The following MAPK6 variants were observed in gnomAD, a reference collection of about 807,000 sequenced individuals.
The protein encoded by MAPK6 is ERK-3.
A neutral mutation model predicts 59.3 loss-of-function variants in MAPK6; 19 were observed. That is an observed-to-expected ratio of 0.32 (90% CI 0.22 to 0.47). MAPK6 has a LOEUF of 0.47. MAPK6 is among the 20% of genes least tolerant of loss of function. MAPK6 has a pLI of 1.00. For synonymous variants in MAPK6, 316 were observed against 290.3 expected, an observed-to-expected ratio of 1.09 and a Z score of -0.90; for missense variants, 724 against 847.9, an observed-to-expected ratio of 0.85 and a Z score of 1.81.
intron 2 of MAPK6, among the ~76,000 whole-genome samples, chr15:51,998,981 C>T (rs1469332017): frequency 6.7e-6 from 1 of 148,246 alleles, no homozygotes; most frequent in East Asian, 2.0e-4. Flanking sequence ...GGAGCCACCG[C>T]GCCCGGCCTT....
chr15:52,013,288 TGAAGA>T (rs1270805277), intron 3 of MAPK6, among the ~76,000 whole-genome samples: 1 of 151,826 alleles, frequency 6.6e-6, no homozygotes, highest in Non-Finnish European at 1.5e-5. Flanking sequence ...ATGACTCACT[TGAAGA>T]GAAGTCATGA....
At chr15:52,014,069 ATT>A (rs763328315) in intron 3 of MAPK6, among the ~76,000 whole-genome samples, 2,066 of 140,766 alleles carry the variant, frequency 0.015, 58 homozygotes, top group African/African-American at 0.052. Context: ...TTCATCTGGG[ATT>A]TTTTTTTTTT....
At chr15:52,004,266 A>T (rs867610768) in exon 3 of MAPK6, 1 of 152,310 alleles carries the variant, frequency 6.6e-6, no homozygotes, top group South Asian at 2.1e-4. Flanking sequence ...TTTCCCTAGG[A>T]ATGCTTTGCC....
intron 2 of MAPK6, among the ~76,000 whole-genome samples, chr15:51,986,556 C>T (rs1044204915): frequency 1.3e-5 from 2 of 152,156 alleles, no homozygotes; most frequent in African/African-American, 4.8e-5. Flanking sequence ...TTATGTAATG[C>T]TTTTGTAATC....
chr15:52,035,478 G>C (rs1240950988), intron 1 of MAPK6: 1 of 152,180 alleles, frequency 6.6e-6, no homozygotes, highest in East Asian at 1.9e-4. Context: ...ACAAAAATTA[G>C]CCAGGTGTGG....
chr15:52,015,929 G>A (rs1199249925), upstream of MAPK6, among the ~76,000 whole-genome samples: 7 of 3,516 alleles, frequency 2.0e-3, no homozygotes, highest in South Asian at 0.17. Flanking sequence ...GTGGTGGCGC[G>A]CCCTGTAATC....
chr15:51,990,614 G>A (rs2057205034), intron 2 of MAPK6, among the ~76,000 whole-genome samples: 1 of 152,042 alleles, frequency 6.6e-6, no homozygotes, highest in Non-Finnish European at 1.5e-5. Flanking sequence ...TTGGGAGTTC[G>A]AGACCAGCCT....
rs192981671 is a variant in MAPK6, at chr15:51,986,257, A to G, written c.-770+2942A>G. On this transcript the variant is annotated intron_variant, in intron 2 of 7. Coordinates refer to the MAPK6 transcript ENST00000691380. ...GAAGAAAATCCACTCCCATGATCCA[A>G]TCACCTCCTATCAGGTCCCCGCCAA... Among the ~76,000 whole-genome samples the G allele has an allele frequency of 9.1e-4, 139 of 152,264 alleles. 2 individuals carry two copies. Among genetic ancestry groups the G allele is most frequent in the African/African-American group, 3.2e-3 (132 of 41,552 alleles).
chr15:51,981,706 G>T (rs147046017), intron 1 of MAPK6, among the ~76,000 whole-genome samples: 1 of 152,134 alleles, frequency 6.6e-6, no homozygotes, highest in Non-Finnish European at 1.5e-5. Flanking sequence ...AAAGACCTTT[G>T]CAGCAGGCAG....
intron 1 of MAPK6, among the ~76,000 whole-genome samples, chr15:52,042,988 G>T (rs1380974327): frequency 6.6e-6 from 1 of 152,084 alleles, no homozygotes; most frequent in East Asian, 1.9e-4. Context: ...GCCAGGTGTG[G>T]TGACTCCTGC....
chr15:52,000,377 T>G (rs540359189), intron 2 of MAPK6, among the ~76,000 whole-genome samples: 1 of 152,350 alleles, frequency 6.6e-6, no homozygotes, highest in East Asian at 1.9e-4. Context: ...TAAGTTTTCT[T>G]CTAGGAGTTT....
At chr15:51,978,055 A>G (rs1239210516) in intron 1 of MAPK6, among the ~76,000 whole-genome samples, 1 of 151,936 alleles carries the variant, frequency 6.6e-6, no homozygotes, top group East Asian at 1.9e-4. Context: ...GAGGTGGTCC[A>G]CTAAACCAAG....
At position 52,040,576 on chromosome 15, in the gene MAPK6, C is replaced by A. The variant is rs1421069324; in HGVS notation, c.-631-5254C>A. 2.0e-5 allele frequency among the ~76,000 whole-genome samples: 3 copies of A among 152,140 alleles called. No homozygotes were observed. In the East Asian group the frequency reaches 5.8e-4, roughly 29 times the overall value. ...TTGACATAAGTAGGCCAAGTTGCTC[C>A]TTGATAAGAAAAAAAGAAAATTCTG... On this transcript the variant is annotated intron_variant, in intron 1 of 5. Coordinates refer to ENST00000261845, the MANE Select transcript of MAPK6 (RefSeq NM_002748.4).
In MAPK6 at chr15:52,064,018, A is replaced by G. The variant is rs2032311162; in HGVS notation, c.1184A>G (p.Gln395Arg). The change falls in exon 6 of 6, where the codon CAA becomes CGA. Residue 395 changes from glutamine (Q) to arginine (R), a missense_variant. Around this residue, in one of 4 missense-constraint regions of MAPK6, gnomAD observed 502 missense variants for 507.6 expected, o/e 0.99. Coordinates refer to ENST00000261845, the MANE Select transcript of MAPK6 (RefSeq NM_002748.4). ...GATGTCACTGATGAAGAAGAAGTAC[A>G]AGTTGATCCCCGAAAATATTTGGAT... ...LSDVTDEEEV[Q>R]VDPRKYLDGD... 1 of 1,613,772 alleles carries G rather than the reference A, an allele frequency of 6.2e-7. No homozygotes were observed. Among genetic ancestry groups the G allele is most frequent in the Non-Finnish European group, 8.5e-7 (1 of 1,179,836 alleles).
At chr15:52,056,823 T>C (rs933262562) in intron 3 of MAPK6, 1 of 152,192 alleles carries the variant, frequency 6.6e-6, no homozygotes, top group Non-Finnish European at 1.5e-5. Context: ...TTAAGAATTA[T>C]CTATATCTGA....
rs1405996703 is a variant in MAPK6, at chr15:52,066,505, AATAC to A, written c.*1508_*1511del. On this transcript the variant is annotated 3_prime_UTR_variant, in exon 6 of 6. Transcript: ENST00000261845. ...TCAGAAAACTTGAGATTTGCTCTGT[AATAC>A]ATCTTTGCGTAAGAACTTACCCTTT... 1 of 152,170 alleles carries A rather than the reference AATAC, an allele frequency of 6.6e-6. No homozygotes were observed. The highest frequency in any genetic ancestry group is 1.9e-4 in the East Asian group (1 of 5,202). 9.4% of individuals were successfully genotyped at this position (152,170 alleles called of 1,614,324 possible). A position where few individuals can be genotyped will look rare whatever the true frequency, so the allele number is the denominator to read the frequency against.
At chr15:52,028,564 A>G (rs1228862720) in intron 1 of MAPK6, among the ~76,000 whole-genome samples, 1 of 152,226 alleles carries the variant, frequency 6.6e-6, no homozygotes, top group Non-Finnish European at 1.5e-5. Flanking sequence ...AAAAATTTAA[A>G]AAATTTAGGT....
At chr15:52,033,913 T>G (rs2031141037) in intron 1 of MAPK6, 1 of 152,072 alleles carries the variant, frequency 6.6e-6, no homozygotes, top group Non-Finnish European at 1.5e-5. Flanking sequence ...GCTATCATTC[T>G]TATTATTCTT....
chr15:51,997,731 C>G (rs1042233895), intron 2 of MAPK6, among the ~76,000 whole-genome samples: 3 of 150,816 alleles, frequency 2.0e-5, no homozygotes, highest in African/African-American at 7.3e-5. Flanking sequence ...GCTGGTATTA[C>G]AGGTGCCCGC....
Sources: allele counts gnomAD v4.1 joint callset (sites outside exome capture counted in the v4.1 genomes callset), GRCh38; gene constraint gnomAD v4.1.1; regional missense constraint gnomAD v4.1.1; transcripts MANE v1.5; gene names NCBI Gene and HGNC (gene_info 2026-07-23, HGNC 2026-07-21).